DLG2: variants seen among roughly 807,000 people sequenced by gnomAD.
DLG2 encodes the protein discs large MAGUK scaffold protein 2, also known as disks large homolog 2.
In DLG2, 45 loss-of-function variants were observed where a neutral mutation model predicts 132.5. The ratio of observed to expected loss-of-function variants is 0.34; its 90% CI spans 0.27 to 0.44. The LOEUF is 0.44. Among genes scored for constraint, DLG2 ranks in the 20% least tolerant of loss-of-function variants. The pLI is 1.00. For synonymous variants in DLG2, 424 were observed against 419.6 expected (o/e 1.01, Z -0.13); for missense variants, 1,045 against 1,196.9 (o/e 0.87, Z 1.87).
At chr11:84,137,510 G>A (rs1286720024) in intron 9 of DLG2, among the ~76,000 whole-genome samples, 1 of 152,026 alleles carries the variant, frequency 6.6e-6, no homozygotes, top group Non-Finnish European at 1.5e-5. Flanking sequence ...CGTTATTACA[G>A]GAGATATTTC....
At chr11:83,704,832 T>A (rs1592765373) in intron 18 of DLG2, among the ~76,000 whole-genome samples, 2 of 151,616 alleles carry the variant, frequency 1.3e-5, no homozygotes, top group African/African-American at 4.8e-5. Context: ...ATCTCAAAAA[T>A]AAAATAAAGA....
chr11:84,035,750 A>T (rs1295179054), intron 11 of DLG2, among the ~76,000 whole-genome samples: 1 of 152,194 alleles, frequency 6.6e-6, no homozygotes, highest in African/African-American at 2.4e-5. Flanking sequence ...GAGGGTGCAA[A>T]GTGGGAACAG....
At chr11:84,374,280 T>A (rs75653188) in intron 7 of DLG2, among the ~76,000 whole-genome samples, 7,838 of 152,212 alleles carry the variant, frequency 0.051, 689 homozygotes, top group African/African-American at 0.18. Flanking sequence ...ATCCACCCAA[T>A]TTGAACACTT....
At chr11:85,042,177 G>T (rs2061928701) in intron 6 of DLG2, among the ~76,000 whole-genome samples, 1 of 151,914 alleles carries the variant, frequency 6.6e-6, no homozygotes, top group Non-Finnish European at 1.5e-5. Context: ...GACAATACAT[G>T]AATAGGTTTG....
At chr11:84,474,298 G>A (rs1316257175) in intron 7 of DLG2, among the ~76,000 whole-genome samples, 1 of 151,986 alleles carries the variant, frequency 6.6e-6, no homozygotes, top group Non-Finnish European at 1.5e-5. Flanking sequence ...CCCAACAAAA[G>A]ATTAATTTTC....
intron 6 of DLG2, among the ~76,000 whole-genome samples, chr11:85,062,542 A>G (rs1380902979): frequency 7.4e-6 from 1 of 135,308 alleles, no homozygotes; most frequent in Non-Finnish European, 1.6e-5. Context: ...CAGACAAATG[A>G]AAAAAAAAAA....
intron 4 of DLG2, among the ~76,000 whole-genome samples, chr11:85,257,717 C>A (rs1408054651): frequency 2.0e-5 from 3 of 152,142 alleles, no homozygotes; most frequent in Admixed American, 6.5e-5. Flanking sequence ...CTGATGTTAT[C>A]CTATGTAATA....
chr11:84,718,109 C>T (rs1391253494), intron 6 of DLG2, among the ~76,000 whole-genome samples: 1 of 151,858 alleles, frequency 6.6e-6, no homozygotes, highest in East Asian at 1.9e-4. Flanking sequence ...AGATAGAATC[C>T]TTATGTCAAC....
rs71036459 is a variant in DLG2 at position 85,150,699 on chromosome 11, A to AGTGTGTGTGTGT, written c.282+3845_282+3856dup. Among the ~76,000 whole-genome samples the AGTGTGTGTGTGT allele has an allele frequency of 2.0e-4, 25 of 127,348 alleles. No individual in the cohort carries two copies. In the East Asian group the frequency reaches 2.6e-3, roughly 13 times the overall value. 83.5% of individuals were successfully genotyped at this position (127,348 alleles called of 152,430 possible). On this transcript the variant is annotated intron_variant, in intron 5 of 27. Coordinates refer to ENST00000376104, the MANE Select transcript of DLG2 (RefSeq NM_001142699.3). ...TTTCCTTTTGTTCCTAAGGCTACAT[A>AGTGTGTGTGTGT]GTGTGTGTGTGTGTGTGTGTGTGTG...
intron 11 of DLG2, among the ~76,000 whole-genome samples, chr11:84,007,006 C>T (rs2094602920): frequency 6.6e-6 from 1 of 151,590 alleles, no homozygotes; most frequent in Admixed American, 6.6e-5. Context: ...TTTAATTCAC[C>T]AAAACTGTCA....
At position 85,433,896 on chromosome 11, in the gene DLG2, A is replaced by G. The variant is rs187527381; in HGVS notation, c.41-148531T>C. 1.8e-4 allele frequency among the ~76,000 whole-genome samples: 28 copies of G among 152,340 alleles called. 1 individual carries two copies. Among genetic ancestry groups the G allele is most frequent in the African/African-American group, 5.8e-4 (24 of 41,572 alleles). On this transcript the variant is annotated intron_variant, in intron 3 of 27. Coordinates refer to ENST00000376104, the MANE Select transcript of DLG2 (RefSeq NM_001142699.3). ...CTCAGTGCCACATGGCATTTACTGTAAAATTGACCACATAATTAGAGATAA... is the reference window on the plus strand; with the variant it reads ...CTCAGTGCCACATGGCATTTACTGTGAAATTGACCACATAATTAGAGATAA...
intron 6 of DLG2, among the ~76,000 whole-genome samples, chr11:84,796,262 TA>T (rs1196813591): frequency 6.6e-6 from 1 of 152,178 alleles, no homozygotes; most frequent in African/African-American, 2.4e-5. Context: ...AAAATAAATT[TA>T]AAAACTAATA....
At chr11:85,372,675 A>G (rs2152919627) in intron 3 of DLG2, among the ~76,000 whole-genome samples, 1 of 152,376 alleles carries the variant, frequency 6.6e-6, no homozygotes, top group East Asian at 1.9e-4. Context: ...AAGACTAGGT[A>G]GGAAAGAGAC....
chr11:85,281,848 C>G (rs1282806357), intron 4 of DLG2, among the ~76,000 whole-genome samples: 1 of 151,928 alleles, frequency 6.6e-6, no homozygotes. Flanking sequence ...TCAGCAATTC[C>G]ACTGCTGGGT....
At chr11:83,698,156 G>A (rs1375160732) in intron 18 of DLG2, among the ~76,000 whole-genome samples, 1 of 152,104 alleles carries the variant, frequency 6.6e-6, no homozygotes, top group Non-Finnish European at 1.5e-5. Context: ...AGATAATAGA[G>A]GTAAACAGCT....
intron 6 of DLG2, among the ~76,000 whole-genome samples, chr11:84,625,089 T>C (rs1387217713): frequency 6.6e-6 from 1 of 151,586 alleles, no homozygotes; most frequent in Non-Finnish European, 1.5e-5. Context: ...CTCGATCTCC[T>C]GACCTCGTGA....
intron 6 of DLG2, among the ~76,000 whole-genome samples, chr11:85,064,208 A>G (rs1449764699): frequency 6.6e-6 from 1 of 151,880 alleles, no homozygotes; most frequent in Non-Finnish European, 1.5e-5. Context: ...AAAGTGAAGA[A>G]ACCATGCTAT....
chr11:84,610,962 T>A (rs1314676446), intron 6 of DLG2, among the ~76,000 whole-genome samples: 1 of 151,768 alleles, frequency 6.6e-6, no homozygotes, highest in Non-Finnish European at 1.5e-5. Context: ...TGCCTCTTAC[T>A]CTAGAAAGTC....
At chr11:84,773,696 A>T (rs1289448128) in intron 6 of DLG2, among the ~76,000 whole-genome samples, 1 of 152,152 alleles carries the variant, frequency 6.6e-6, no homozygotes, top group Non-Finnish European at 1.5e-5. Flanking sequence ...AAACCATATC[A>T]TCTCAATACA....
Sources: gnomAD v4.1 joint callset for allele counts (sites outside exome capture counted in the v4.1 genomes callset) on GRCh38, gnomAD v4.1.1 for gene constraint, MANE v1.5 for transcripts, NCBI Gene and HGNC (gene_info 2026-07-23, HGNC 2026-07-21) for gene names.